The following PPARA variants were observed in gnomAD, a reference collection of about 807,000 sequenced individuals.
The protein encoded by PPARA is peroxisome proliferator-activated receptor alpha.
A neutral mutation model predicts 42.2 loss-of-function variants in PPARA; 22 were observed. The ratio of observed to expected loss-of-function variants is 0.52; its 90% CI spans 0.37 to 0.74. PPARA has a LOEUF of 0.74. PPARA is among the 30% of genes least tolerant of loss of function. PPARA has a pLI of 0.00. For missense variants in PPARA, 465 were observed against 608.2 expected, an observed-to-expected ratio of 0.76 and a Z score of 2.48; for synonymous variants, 242 against 239.3, an observed-to-expected ratio of 1.01 and a Z score of -0.10.
intron 2 of PPARA, among the ~76,000 whole-genome samples, chr22:46,169,683 C>G (rs779585475): frequency 4.6e-5 from 7 of 151,924 alleles, no homozygotes; most frequent in Non-Finnish European, 8.8e-5. Context: ...TATAGTGTAT[C>G]TATATCTAGG....
Position 46,235,367 on chromosome 22 carries a change from G to A in PPARA, c.1394G>A (p.Arg465Lys). ...CACCCGCTACTGCAGGAGATCTACA[G>A]GGACATGTACTGAGTTCCTTCAGAT... Reference protein sequence around the residue: ...ALHPLLQEIYRDMY With the variant: ...ALHPLLQEIYKDMY Residue 465 changes from arginine (R) to lysine (K), a missense_variant, in exon 9 of 9, where the codon AGG (arginine) becomes AAG (lysine). Physicochemically the swap from Arg to Lys is conservative, Grantham distance 26. Transcript: ENST00000407236. This position sits in a 1 kb window ranked among gnomAD's most constrained non-coding sequence, Gnocchi z 7.0. The A allele has an allele frequency of 6.2e-7, 1 of 1,613,738 alleles. No individual in the cohort carries two copies. Among genetic ancestry groups the A allele is most frequent in the South Asian group, 1.1e-5 (1 of 91,034 alleles).
At position 46,211,882 on chromosome 22, in the gene PPARA, C is replaced by T. The variant is rs1002745602; in HGVS notation, c.209-3291C>T. On this transcript the variant is annotated intron_variant, in intron 4 of 8. Transcript: ENST00000407236. This position sits in a 1 kb window ranked among gnomAD's most constrained non-coding sequence, Gnocchi z 4.1. Reference sequence around the variant, plus strand: ...TTGTATTTTTACAAAATACAAAAGACGATGTTTCACTATGTGGGCCAGGCT... The same window carrying T: ...TTGTATTTTTACAAAATACAAAAGATGATGTTTCACTATGTGGGCCAGGCT... 5.3e-5 allele frequency among the ~76,000 whole-genome samples: 8 copies of T among 152,162 alleles called. No individual in the cohort carries two copies. In the East Asian group the frequency reaches 7.7e-4, roughly 15 times the overall value.
intron 2 of PPARA, among the ~76,000 whole-genome samples, chr22:46,174,276 A>AGGAAGGAAGG (rs1236515954): frequency 1.5e-4 from 22 of 150,618 alleles, no homozygotes; most frequent in Admixed American, 2.0e-4. Context: ...GAAGGAAGGA[A>AGGAAGGAAGG]ATTATGATAA....
At chr22:46,208,899 C>CGTGTGTGTGT (rs35658961) in intron 4 of PPARA, among the ~76,000 whole-genome samples, 9 of 148,710 alleles carry the variant, frequency 6.1e-5, no homozygotes, top group African/African-American at 2.3e-4. Flanking sequence ...GAATAGTATT[C>CGTGTGTGTGT]GTGTGTGTGT....
intron 7 of PPARA, 74 bp downstream of exon 7, chr22:46,220,088 T>G: frequency 6.7e-7 from 1 of 1,494,784 alleles, no homozygotes; most frequent in South Asian, 1.1e-5. Context: ...TAAGGACACA[T>G]GTGTTGAATG....
Position 46,235,835 on chromosome 22 carries a change from G to A in PPARA, c.*455G>A, listed in dbSNP as rs1395064015. 5.4e-6 allele frequency: 1 copy of A among 186,486 alleles called. No individual in the cohort carries two copies. The highest frequency in any genetic ancestry group is 1.1e-5 in the Non-Finnish European group (1 of 87,636). 11.6% of individuals were successfully genotyped at this position (186,486 alleles called of 1,614,324 possible). ...TGTTTATAATCCTATAAGTCTAGAT[G>A]TATCCAAAGGTGAAGTATGTAAAAA... On this transcript the variant is annotated 3_prime_UTR_variant, in exon 9 of 9. Transcript: ENST00000407236. This position sits in a 1 kb window ranked among gnomAD's most constrained non-coding sequence, Gnocchi z 7.0.
At position 46,222,375 on chromosome 22, in the gene PPARA, T is replaced by C. The variant is rs1337930319; in HGVS notation, c.711+2361T>C. On this transcript the variant is annotated intron_variant, in intron 7 of 8. Transcript: ENST00000407236. The surrounding 1 kb of genome is among the most constrained non-coding windows in gnomAD (Gnocchi z 5.9). ...ACAGGTTTAATTTGTATTAAATAGC[T>C]TGAAGCAATCCTTATTGGGAATTAC... Among the ~76,000 whole-genome samples, 1 of 152,242 alleles carries C rather than the reference T, an allele frequency of 6.6e-6. No individual in the cohort carries two copies. The highest frequency in any genetic ancestry group is 1.5e-5 in the Non-Finnish European group (1 of 68,044).
chr22:46,225,778 AACAC>A lies in PPARA; in HGVS notation c.711+5771_711+5774del, dbSNP rs943043345. Among the ~76,000 whole-genome samples the A allele has an allele frequency of 1.4e-5, 1 of 70,246 alleles. No homozygotes were observed. Among genetic ancestry groups the A allele is most frequent in the Non-Finnish European group, 2.5e-5 (1 of 39,940 alleles). 46.1% of individuals were successfully genotyped at this position (70,246 alleles called of 152,430 possible). On this transcript the variant is annotated intron_variant, in intron 7 of 8. Coordinates refer to ENST00000407236, the MANE Select transcript of PPARA (RefSeq NM_005036.6). This position sits in a 1 kb window ranked among gnomAD's most constrained non-coding sequence, Gnocchi z 4.1. ...TCACACATCCATGCATGCACGTGTA[AACAC>A]ACACACCCCCACACATACACGTGCA...
chr22:46,166,061 A>G (rs929458385), intron 2 of PPARA, among the ~76,000 whole-genome samples: 16 of 152,196 alleles, frequency 1.1e-4, no homozygotes, highest in African/African-American at 3.4e-4. Context: ...CCAACAATAC[A>G]GATCAGATCC....
At chr22:46,202,784 A>C (rs374253985) in intron 4 of PPARA, among the ~76,000 whole-genome samples, 87 of 149,508 alleles carry the variant, frequency 5.8e-4, no homozygotes, top group African/African-American at 2.1e-3. Flanking sequence ...AGTCGCTTGA[A>C]TCCAGGAGGC....
chr22:46,186,985 C>T (rs1930910104), intron 3 of PPARA, among the ~76,000 whole-genome samples: 1 of 152,208 alleles, frequency 6.6e-6, no homozygotes, highest in Non-Finnish European at 1.5e-5. Context: ...CTCTTCCTCT[C>T]TCTCTCAGAA....
chr22:46,197,574 G>T (rs1236673056), intron 3 of PPARA, among the ~76,000 whole-genome samples: 1 of 151,970 alleles, frequency 6.6e-6, no homozygotes, highest in Non-Finnish European at 1.5e-5. Context: ...ATGAATTCAG[G>T]TGTATCTTGG....
In PPARA at chr22:46,224,196, T is replaced by C. The variant is rs1388754124; in HGVS notation, c.711+4182T>C. Among the ~76,000 whole-genome samples the C allele has an allele frequency of 6.6e-6, 1 of 152,212 alleles. No individual in the cohort carries two copies. The highest frequency in any genetic ancestry group is 1.5e-5 in the Non-Finnish European group (1 of 68,038). ...GGTTGCGTCCCACCCCATGTCCTTG[T>C]CTGCGCACGGGACGCTGGAGGCACG... On this transcript the variant is annotated intron_variant, in intron 7 of 8. Transcript: ENST00000407236. The surrounding 1 kb of genome is among the most constrained non-coding windows in gnomAD (Gnocchi z 5.7).
chr22:46,185,488 C>A (rs4253790), intron 3 of PPARA, among the ~76,000 whole-genome samples: 1 of 151,996 alleles, frequency 6.6e-6, no homozygotes, highest in Non-Finnish European at 1.5e-5. Flanking sequence ...TGCTTTTCAC[C>A]AGACTTTGAA....
chr22:46,213,867 G>A (rs779804757), intron 4 of PPARA, among the ~76,000 whole-genome samples: 11 of 152,198 alleles, frequency 7.2e-5, no homozygotes, highest in Non-Finnish European at 1.6e-4. Flanking sequence ...GGGATTACAG[G>A]CGTGAGCCAC....
rs972426670 is a variant in PPARA at position 46,228,399 on chromosome 22, G to T, written c.712-3393G>T. ...AAAATACAGAAATTAACCAGGCGTGGTTGGTGGGTGCCTGTAATCCCAGCT... is the reference window on the plus strand; with the variant it reads ...AAAATACAGAAATTAACCAGGCGTGTTTGGTGGGTGCCTGTAATCCCAGCT... On this transcript the variant is annotated intron_variant, in intron 7 of 8. Coordinates refer to ENST00000407236, the MANE Select transcript of PPARA (RefSeq NM_005036.6). Among the ~76,000 whole-genome samples the T allele has an allele frequency of 2.6e-5, 4 of 152,068 alleles. No homozygotes were observed. The East Asian group carries it at 5.8e-4, about 22-fold the overall frequency.
At position 46,240,199 on chromosome 22, in the gene PPARA, T is replaced by G. The variant is rs962588467; in HGVS notation, c.*4819T>G. Reference sequence around the variant, plus strand: ...GCTCACCACCTATGGATGCCATGGCTCTGGGCAGCTTTCAAAGCAGGTTCC... The same window carrying G: ...GCTCACCACCTATGGATGCCATGGCGCTGGGCAGCTTTCAAAGCAGGTTCC... On this transcript the variant is annotated 3_prime_UTR_variant, in exon 9 of 9. Coordinates refer to ENST00000407236, the MANE Select transcript of PPARA (RefSeq NM_005036.6). The surrounding 1 kb of genome is among the most constrained non-coding windows in gnomAD (Gnocchi z 6.0). 1.3e-5 allele frequency: 5 copies of G among 398,578 alleles called. No homozygotes were observed. Among genetic ancestry groups the G allele is most frequent in the Non-Finnish European group, 2.2e-5 (5 of 226,150 alleles). 24.7% of individuals were successfully genotyped at this position (398,578 alleles called of 1,614,324 possible).
chr22:46,215,036 C>G, intron 4 of PPARA, 137 bp from the exon 5 acceptor site: 1 of 1,043,678 alleles, frequency 9.6e-7, no homozygotes, highest in Admixed American at 2.0e-5. Flanking sequence ...AGGCAGGGCC[C>G]GGCCCCGCAT....
chr22:46,170,214 T>G (rs995896152), intron 2 of PPARA, among the ~76,000 whole-genome samples: 5 of 151,370 alleles, frequency 3.3e-5, no homozygotes, highest in African/African-American at 1.2e-4. Flanking sequence ...CTTAAAATGA[T>G]GTAAGTGTGT....
Sources: gnomAD v4.1 joint callset for allele counts (sites outside exome capture counted in the v4.1 genomes callset) on GRCh38, gnomAD v4.1.1 for gene constraint, Gnocchi (gnomAD v3.1) non-coding constraint, MANE v1.5 for transcripts, NCBI Gene and HGNC (gene_info 2026-07-23, HGNC 2026-07-21) for gene names.